UNC13C: variants seen among roughly 807,000 people sequenced by gnomAD.
UNC13C encodes the protein protein unc-13 homolog C.
Under a neutral mutation model 245.4 loss-of-function variants are expected in UNC13C, and 174 were observed. The observed-to-expected ratio is 0.71, with a 90% CI of 0.63 to 0.80. UNC13C has a LOEUF of 0.80. Among genes scored for constraint, UNC13C ranks in the 30% least tolerant of loss-of-function variants. The pLI is 0.00. For missense variants in UNC13C, 2,829 were observed against 2,602.9 expected, an observed-to-expected ratio of 1.09 and a Z score of -1.89; for synonymous variants, 992 against 895.1, an observed-to-expected ratio of 1.11 and a Z score of -1.93.
chr15:54,400,623 C>T (rs766007208), intron 18 of UNC13C, among the ~76,000 whole-genome samples: 1 of 152,056 alleles, frequency 6.6e-6, no homozygotes. Flanking sequence ...TGATGTTAAC[C>T]TTGATTAGTG....
Position 54,015,024 on chromosome 15 carries a change from T to A in UNC13C, c.2121T>A (p.Asp707Glu). The A allele has an allele frequency of 6.2e-7, 1 of 1,613,460 alleles. No homozygotes were observed. The highest frequency in any genetic ancestry group is 8.5e-7 in the Non-Finnish European group (1 of 1,179,728). Residue 707 changes from aspartate to glutamate, a missense_variant, in exon 2 of 33, where the codon GAT (aspartate) becomes GAA (glutamate). Asp to Glu is a conservative substitution (Grantham distance 45, BLOSUM62 2). Transcript: ENST00000260323. ...GAAAGTGCCACAGTGATCTTCAAGA[T>A]GACTCAGAGAGCTACGACTTAACTC... ...YLGKCHSDLQ[D>E]DSESYDLTQD...
the UNC13C span, among the ~76,000 whole-genome samples, chr15:53,897,223 G>C: frequency 6.6e-6 from 1 of 152,170 alleles, no homozygotes; most frequent in Non-Finnish European, 1.5e-5. Context: ...TAGAAGTCTT[G>C]TCTCACACAG....
At chr15:54,590,268 G>A (rs1047301862) in intron 30 of UNC13C, among the ~76,000 whole-genome samples, 1 of 152,132 alleles carries the variant, frequency 6.6e-6, no homozygotes, top group Non-Finnish European at 1.5e-5. Context: ...CTTTGGCTAT[G>A]TGGGCTCTTA....
At chr15:53,891,024 C>T in the UNC13C span, among the ~76,000 whole-genome samples, 2 of 152,286 alleles carry the variant, frequency 1.3e-5, no homozygotes, top group Non-Finnish European at 1.5e-5. Flanking sequence ...TCCCTCTACA[C>T]ATTGTTTTAA....
chr15:54,511,650 T>C, intron 23 of UNC13C, 103 bp from the exon 24 acceptor site: 2 of 750,982 alleles, frequency 2.7e-6, no homozygotes, highest in South Asian at 3.4e-5. Context: ...TCTAATATAA[T>C]AGGAATCCAA....
chr15:54,130,042 T>C (rs2031313142), intron 2 of UNC13C, among the ~76,000 whole-genome samples: 1 of 151,558 alleles, frequency 6.6e-6, no homozygotes, highest in African/African-American at 2.4e-5. Context: ...CAAATATATG[T>C]ATGCATGTGA....
chr15:54,061,161 A>G (rs1243767026), intron 2 of UNC13C, among the ~76,000 whole-genome samples: 2 of 151,564 alleles, frequency 1.3e-5, no homozygotes, highest in South Asian at 2.1e-4. Flanking sequence ...AATAAAAAAG[A>G]CAAAAAAAAA....
chr15:54,129,045 C>T (rs1295584211), intron 2 of UNC13C, among the ~76,000 whole-genome samples: 1 of 152,166 alleles, frequency 6.6e-6, no homozygotes, highest in African/African-American at 2.4e-5. Context: ...CTTTGAGTCC[C>T]AAGATCAATA....
chr15:53,890,886 TATGTC>T, the UNC13C span, among the ~76,000 whole-genome samples: 1 of 152,182 alleles, frequency 6.6e-6, no homozygotes, highest in African/African-American at 2.4e-5. Flanking sequence ...TGATCTTAGT[TATGTC>T]TTGTCTTCTG....
chr15:54,485,756 G>C (rs943295505), intron 19 of UNC13C, among the ~76,000 whole-genome samples: 1 of 152,104 alleles, frequency 6.6e-6, no homozygotes, highest in Non-Finnish European at 1.5e-5. Context: ...TGGCCTCCTT[G>C]CATCTCTTTG....
At chr15:54,271,993 C>T (rs887866243) in intron 10 of UNC13C, among the ~76,000 whole-genome samples, 1 of 152,162 alleles carries the variant, frequency 6.6e-6, no homozygotes, top group Non-Finnish European at 1.5e-5. Flanking sequence ...AGTGATTCCA[C>T]GTTATACAAA....
In UNC13C at chr15:54,582,016, G is replaced by A. The variant is rs539563344; in HGVS notation, c.6106+14069G>A. ...CCATTTATTTTGCCATCTGTTTGTGGGAGAAAGGGGAGGAAGGAAAGGAGG... is the reference window on the plus strand; with the variant it reads ...CCATTTATTTTGCCATCTGTTTGTGAGAGAAAGGGGAGGAAGGAAAGGAGG... On this transcript the variant is annotated intron_variant, in intron 30 of 32. Transcript: ENST00000260323. Among the ~76,000 whole-genome samples the A allele has an allele frequency of 5.9e-5, 9 of 151,990 alleles. No individual in the cohort carries two copies. In the South Asian group the frequency reaches 1.3e-3, roughly 21 times the overall value.
At chr15:54,212,180 C>T (rs1305309292) in intron 4 of UNC13C, among the ~76,000 whole-genome samples, 1 of 151,960 alleles carries the variant, frequency 6.6e-6, no homozygotes, top group Non-Finnish European at 1.5e-5. Flanking sequence ...ACCTCATTTC[C>T]CAAGGTGAAA....
At chr15:54,351,613 A>G (rs988381498) in intron 17 of UNC13C, among the ~76,000 whole-genome samples, 6 of 152,162 alleles carry the variant, frequency 3.9e-5, no homozygotes, top group African/African-American at 1.2e-4. Flanking sequence ...CAATACAGCA[A>G]TTAAGATCAA....
the UNC13C span, among the ~76,000 whole-genome samples, chr15:53,962,240 C>A: frequency 2.0e-5 from 3 of 152,004 alleles, no homozygotes; most frequent in Non-Finnish European, 2.9e-5. Flanking sequence ...TACAGAATAT[C>A]ATTTTTCATG....
At chr15:53,883,666 A>G in the UNC13C span, among the ~76,000 whole-genome samples, 1 of 152,270 alleles carries the variant, frequency 6.6e-6, no homozygotes, top group Middle Eastern at 3.4e-3. Context: ...TTGTGACAAG[A>G]CTTTTTCTTT....
At chr15:54,405,482 C>T (rs1343055966) in intron 18 of UNC13C, among the ~76,000 whole-genome samples, 4 of 151,998 alleles carry the variant, frequency 2.6e-5, no homozygotes, top group African/African-American at 9.7e-5. Flanking sequence ...ACAAACTCTG[C>T]CTTTTAAATA....
At chr15:54,509,132 G>A (rs943361116) in intron 23 of UNC13C, among the ~76,000 whole-genome samples, 83 of 152,176 alleles carry the variant, frequency 5.5e-4, no homozygotes, top group African/African-American at 2.0e-3. Context: ...CCGGGAGATG[G>A]AGGTTGCAGT....
chr15:54,140,660 A>G (rs547659333), intron 2 of UNC13C, among the ~76,000 whole-genome samples: 1 of 152,366 alleles, frequency 6.6e-6, no homozygotes, highest in South Asian at 2.1e-4. Flanking sequence ...GGAAACAGCA[A>G]TGCAAAGGCA....
Sources: gnomAD v4.1 joint callset for allele counts (sites outside exome capture counted in the v4.1 genomes callset) on GRCh38, gnomAD v4.1.1 for gene constraint, MANE v1.5 for transcripts, NCBI Gene and HGNC (gene_info 2026-07-23, HGNC 2026-07-21) for gene names.